TANC1: variants seen among roughly 807,000 people sequenced by gnomAD.
TANC1 encodes protein TANC1.
TANC1 carries 77 observed loss-of-function variants against 149.7 expected under a neutral mutation model. That is an observed-to-expected ratio of 0.51 (90% confidence interval 0.43 to 0.62). The LOEUF is 0.62. TANC1 is among the 20% of genes least tolerant of loss of function. The probability of loss-of-function intolerance (pLI) is 0.00; values close to 1 mark genes in which losing one functional copy is unlikely to be tolerated. For missense variants in TANC1, 1,985 were observed against 2,321.8 expected, an observed-to-expected ratio of 0.85 and a Z score of 2.98; for synonymous variants, 854 against 925.0, an observed-to-expected ratio of 0.92 and a Z score of 1.39.
In TANC1 at chr2:159,036,373, ATTATAC is replaced by A. The variant is rs775357402; in HGVS notation, c.-15-29520_-15-29515del. On this transcript the variant is annotated intron_variant, in intron 2 of 26. Transcript: ENST00000263635. ...AGGCTTTTTGTAAAAAATTATTATT[ATTATAC>A]TTTAAGTTCTAGGGTACGTGTGCAC... is the stretch of plus-strand genomic sequence containing the variant. Among the ~76,000 whole-genome samples, 21 of 152,230 alleles carry A rather than the reference ATTATAC, an allele frequency of 1.4e-4. No homozygotes were observed. The East Asian group carries it at 1.5e-3, about 11-fold the overall frequency.
chr2:159,192,668 G>C (rs2057536771), intron 16 of TANC1, among the ~76,000 whole-genome samples: 1 of 152,012 alleles, frequency 6.6e-6, no homozygotes, highest in Non-Finnish European at 1.5e-5. Context: ...TTTTGCTTTT[G>C]AGACGGAGTC....
At chr2:159,191,095 G>A (rs979178930) in intron 16 of TANC1, among the ~76,000 whole-genome samples, 1 of 152,168 alleles carries the variant, frequency 6.6e-6, no homozygotes, top group African/African-American at 2.4e-5. Flanking sequence ...GGCTGGGTTG[G>A]TGTTCACCTG....
At chr2:159,167,923 T>C (rs2054773356) in intron 8 of TANC1, among the ~76,000 whole-genome samples, 2 of 152,120 alleles carry the variant, frequency 1.3e-5, no homozygotes, top group Admixed American at 1.3e-4. Flanking sequence ...CCAGAGGGTT[T>C]TCAGAAGACA....
At chr2:159,196,135 C>A (rs1421019006) in intron 17 of TANC1, among the ~76,000 whole-genome samples, 1 of 152,228 alleles carries the variant, frequency 6.6e-6, no homozygotes, top group Non-Finnish European at 1.5e-5. Context: ...TCCTGCCCTT[C>A]CACACTCAGC....
chr2:159,095,389 A>G (rs1259105737), intron 3 of TANC1, among the ~76,000 whole-genome samples: 1 of 152,196 alleles, frequency 6.6e-6, no homozygotes, highest in Non-Finnish European at 1.5e-5. Flanking sequence ...CTTTGCTGAC[A>G]TGCCCATTGT....
At chr2:159,050,722 C>T (rs2041402026) in intron 2 of TANC1, among the ~76,000 whole-genome samples, 1 of 152,228 alleles carries the variant, frequency 6.6e-6, no homozygotes, top group Admixed American at 6.5e-5. Context: ...TTCTCTACCT[C>T]TGCCATTGCT....
chr2:159,184,164 C>G (rs1259906056), intron 14 of TANC1, among the ~76,000 whole-genome samples: 1 of 152,208 alleles, frequency 6.6e-6, no homozygotes, highest in Non-Finnish European at 1.5e-5. Context: ...GGTCATAGTA[C>G]TTAGTCACAG....
intron 1 of TANC1, among the ~76,000 whole-genome samples, chr2:158,999,582 C>CA (rs2036444615): frequency 6.6e-6 from 1 of 152,046 alleles, no homozygotes; most frequent in Non-Finnish European, 1.5e-5. Context: ...CTATTTTGGG[C>CA]GTTCTGTTTT....
intron 5 of TANC1, among the ~76,000 whole-genome samples, chr2:159,141,771 T>C (rs2051396874): frequency 6.6e-6 from 1 of 152,154 alleles, no homozygotes; most frequent in African/African-American, 2.4e-5. Context: ...GAAACTGGTA[T>C]TTCATTTATG....
At chr2:159,061,687 G>A (rs2042243311) in intron 2 of TANC1, among the ~76,000 whole-genome samples, 1 of 152,126 alleles carries the variant, frequency 6.6e-6, no homozygotes, top group Non-Finnish European at 1.5e-5. Context: ...TAATCTTTTT[G>A]TTATAGGGGT....
chr2:159,114,143 AGAG>A (rs1427456040), intron 4 of TANC1, among the ~76,000 whole-genome samples: 8 of 152,326 alleles, frequency 5.3e-5, no homozygotes, highest in Admixed American at 2.0e-4. Context: ...ACCAAGTTTT[AGAG>A]GAGTGTGAAA....
At chr2:159,066,327 T>C (rs2042663913) in intron 3 of TANC1, among the ~76,000 whole-genome samples, 1 of 152,056 alleles carries the variant, frequency 6.6e-6, no homozygotes, top group Non-Finnish European at 1.5e-5. Context: ...GGCAGGAGGA[T>C]CTCTTGAGCC....
chr2:159,186,677 A>T (rs182869304), intron 15 of TANC1, among the ~76,000 whole-genome samples: 3 of 152,262 alleles, frequency 2.0e-5, no homozygotes, highest in Admixed American at 6.5e-5. Flanking sequence ...CTCTCTCCCA[A>T]GGCACAAAGT....
intron 2 of TANC1, among the ~76,000 whole-genome samples, chr2:159,042,884 A>C (rs1323744181): frequency 2.0e-5 from 3 of 152,102 alleles, no homozygotes; most frequent in African/African-American, 4.8e-5. Flanking sequence ...TCAGCATGCT[A>C]AGGGTTTGAG....
chr2:158,972,004 T>C (rs534192813), intron 1 of TANC1, among the ~76,000 whole-genome samples: 11 of 152,204 alleles, frequency 7.2e-5, no homozygotes, highest in Non-Finnish European at 1.6e-4. Context: ...ATATGAGTTA[T>C]TTTGATTTCA....
rs547894862 is a variant in TANC1, at chr2:159,232,591, C to T, written c.*1579C>T. On this transcript the variant is annotated 3_prime_UTR_variant, in exon 27 of 27. Coordinates refer to ENST00000263635, the MANE Select transcript of TANC1 (RefSeq NM_033394.3). Reference sequence around the variant, plus strand: ...TTCTTTAATATTTGTGAAAGTCTTACTCCTTTGTTAGTTTTGTTTCTGCAC... The same window carrying T: ...TTCTTTAATATTTGTGAAAGTCTTATTCCTTTGTTAGTTTTGTTTCTGCAC... 6.6e-6 allele frequency: 1 copy of T among 152,528 alleles called. No homozygotes were observed. The highest frequency in any genetic ancestry group is 2.4e-5 in the African/African-American group (1 of 41,412). The allele number at this position is 152,528 out of a possible 1,614,324, so 9.4% of individuals were successfully genotyped here. A position where few individuals can be genotyped will look rare whatever the true frequency, so the allele number is the denominator to read the frequency against.
At chr2:159,098,676 A>G (rs917179421) in intron 4 of TANC1, among the ~76,000 whole-genome samples, 1 of 152,194 alleles carries the variant, frequency 6.6e-6, no homozygotes, top group Non-Finnish European at 1.5e-5. Context: ...GATTATTCCT[A>G]TTATACTTTG....
At chr2:159,151,621 T>C (rs974005436) in intron 7 of TANC1, among the ~76,000 whole-genome samples, 4 of 152,198 alleles carry the variant, frequency 2.6e-5, no homozygotes, top group Non-Finnish European at 4.4e-5. Flanking sequence ...CAAGTGTAAT[T>C]TGGAAAACCA....
At chr2:159,151,140 G>A (rs1175816189) in intron 7 of TANC1, among the ~76,000 whole-genome samples, 2 of 152,122 alleles carry the variant, frequency 1.3e-5, no homozygotes, top group East Asian at 3.8e-4. Flanking sequence ...CGATTTGCCC[G>A]GTGACTTGAG....
Sources: allele counts gnomAD v4.1 joint callset (sites outside exome capture counted in the v4.1 genomes callset), GRCh38; gene constraint gnomAD v4.1.1; transcripts MANE v1.5; gene names NCBI Gene and HGNC (gene_info 2026-07-23, HGNC 2026-07-21).